Variants in RABGAP1 observed in about 807,000 individuals in gnomAD.
RABGAP1 encodes the protein RAB GTPase activating protein 1.
In RABGAP1, 23 loss-of-function variants were observed where a neutral mutation model predicts 137.6. That is an observed-to-expected ratio of 0.17 (90% CI 0.12 to 0.24). The LOEUF is 0.24. Ranked by LOEUF, RABGAP1 falls within the 10% of genes least tolerant of loss-of-function variation. The pLI, the probability that RABGAP1 is intolerant of heterozygous loss-of-function variation, is 1.00. For synonymous variants in RABGAP1, 451 were observed against 450.7 expected (o/e 1.00, Z -0.01); for missense variants, 906 against 1,275.8 (o/e 0.71, Z 4.42).
intron 11 of RABGAP1, among the ~76,000 whole-genome samples, chr9:123,011,300 G>A (rs1234527166): frequency 6.6e-6 from 1 of 152,174 alleles, no homozygotes; most frequent in African/African-American, 2.4e-5. Context: ...ATCATAAAGA[G>A]TAGTTTTTCA....
chr9:123,002,789 T>C (rs1213607930), intron 10 of RABGAP1, among the ~76,000 whole-genome samples: 5 of 152,144 alleles, frequency 3.3e-5, no homozygotes, highest in African/African-American at 9.7e-5. Flanking sequence ...AAAAAATGAC[T>C]TGACAGGGTA....
At chr9:123,074,732 G>T (rs1411464872) in intron 17 of RABGAP1, among the ~76,000 whole-genome samples, 1 of 152,146 alleles carries the variant, frequency 6.6e-6, no homozygotes, top group Non-Finnish European at 1.5e-5. Flanking sequence ...TTGCTCTCTT[G>T]TGAAAAAAAG....
chr9:122,936,749 TTTTG>T (rs1833393446), upstream of RABGAP1, among the ~76,000 whole-genome samples: 1 of 152,158 alleles, frequency 6.6e-6, no homozygotes, highest in African/African-American at 2.4e-5. Flanking sequence ...ATAGCACCTG[TTTTG>T]TTTGTTTGCT....
chr9:123,102,847 G>A (rs1392999900), intron 25 of RABGAP1, among the ~76,000 whole-genome samples: 1 of 152,246 alleles, frequency 6.6e-6, no homozygotes, highest in East Asian at 1.9e-4. Context: ...TAGGTGGACA[G>A]AAGAGGGAGA....
At chr9:123,012,653 C>T (rs2030904239) in intron 11 of RABGAP1, among the ~76,000 whole-genome samples, 1 of 152,202 alleles carries the variant, frequency 6.6e-6, no homozygotes, top group Non-Finnish European at 1.5e-5. Flanking sequence ...AATCATGGAA[C>T]ACTAGAACAT....
chr9:123,023,306 A>T (rs1362669603), intron 13 of RABGAP1, among the ~76,000 whole-genome samples: 1 of 151,964 alleles, frequency 6.6e-6, no homozygotes, highest in Admixed American at 6.6e-5. Context: ...TCAGCCTCCC[A>T]AGTAGCTGGG....
rs202089090 is a variant in RABGAP1 at position 123,090,385 on chromosome 9, C to T, written c.2628C>T (p.Asn876=). ...TTGCACTACGGAAGGACCTGGATAA[C>T]GTAAGTCCAACGGGTCTGAAGGGAA... The part of the protein sequence containing the change: ...SKIALRKDLD[N]AEEKADALNK... Residue 876 remains asparagine, a splice_region_variant and synonymous_variant, in exon 21 of 26, where the codon AAC becomes AAT. Coordinates refer to ENST00000373647, the MANE Select transcript of RABGAP1 (RefSeq NM_012197.4). The T allele has an allele frequency of 4.6e-5, 73 of 1,602,422 alleles. No homozygotes were observed. Among genetic ancestry groups the T allele is most frequent in the Middle Eastern group, 1.7e-4 (1 of 6,054 alleles).
the RABGAP1 span, among the ~76,000 whole-genome samples, chr9:122,931,780 G>T: frequency 2.5e-3 from 383 of 152,352 alleles, 2 homozygotes; most frequent in African/African-American, 8.7e-3. Flanking sequence ...GCAGGGACCC[G>T]CTGCTCGGGA....
rs140106360 is a variant in RABGAP1 at position 123,076,687 on chromosome 9, T to C, written c.2349T>C (p.Phe783=). 2.9e-5 allele frequency: 46 copies of C among 1,609,978 alleles called. No individual in the cohort carries two copies. Among genetic ancestry groups the C allele is most frequent in the Non-Finnish European group, 3.6e-5 (42 of 1,178,124 alleles). Reference sequence around the variant, plus strand: ...ACTTTGAAGGTGCCTTGAAGTTCTTTAGGGTTCAGCTTCCTAAGAGATACC... The same window carrying C: ...ACTTTGAAGGTGCCTTGAAGTTCTTCAGGGTTCAGCTTCCTAAGAGATACC... The part of the protein sequence containing the change: ...LTDFEGALKF[F]RVQLPKRYRS... The change falls in exon 19 of 26, where the codon TTT becomes TTC. Residue 783 remains phenylalanine (F), a synonymous_variant. Coordinates refer to ENST00000373647, the MANE Select transcript of RABGAP1 (RefSeq NM_012197.4).
upstream of RABGAP1, chr9:122,938,315 G>A (rs1402270390): frequency 6.6e-6 from 1 of 152,128 alleles, no homozygotes; most frequent in African/African-American, 2.4e-5. Flanking sequence ...GGGCACCCGT[G>A]TGTCTATAGA....
chr9:123,039,929 T>A (rs1184134347), intron 13 of RABGAP1, among the ~76,000 whole-genome samples: 1 of 152,216 alleles, frequency 6.6e-6, no homozygotes, highest in Non-Finnish European at 1.5e-5. Context: ...CTATTGGTCA[T>A]GTATCCAGAA....
chr9:122,942,769 C>T (rs1833673843), intron 1 of RABGAP1, among the ~76,000 whole-genome samples: 1 of 151,072 alleles, frequency 6.6e-6, no homozygotes, highest in Non-Finnish European at 1.5e-5. Flanking sequence ...AAATTTCAAT[C>T]CATGATTGAT....
At chr9:123,051,852 C>T (rs568209355) in intron 13 of RABGAP1, among the ~76,000 whole-genome samples, 121 of 151,248 alleles carry the variant, frequency 8.0e-4, no homozygotes, top group African/African-American at 2.5e-3. Context: ...AGTGCAGTGG[C>T]GCAGTCTTGG....
intron 4 of RABGAP1, among the ~76,000 whole-genome samples, chr9:122,986,969 T>A (rs773349933): frequency 3.3e-5 from 5 of 152,166 alleles, no homozygotes; most frequent in Non-Finnish European, 4.4e-5. Context: ...AAACCCTGTC[T>A]GTACAAAACA....
chr9:122,952,462 G>A (rs112483291), intron 1 of RABGAP1, among the ~76,000 whole-genome samples: 9 of 151,904 alleles, frequency 5.9e-5, no homozygotes, highest in Non-Finnish European at 1.3e-4. Flanking sequence ...TAGAGACGGG[G>A]TTTCACCGTG....
At chr9:123,089,153 A>G (rs983980863) in intron 19 of RABGAP1, among the ~76,000 whole-genome samples, 1 of 152,170 alleles carries the variant, frequency 6.6e-6, no homozygotes, top group Non-Finnish European at 1.5e-5. Flanking sequence ...TTTTAAGGGT[A>G]GAGATAACTG....
At chr9:122,973,951 A>G (rs1056406449) in intron 2 of RABGAP1, among the ~76,000 whole-genome samples, 2 of 152,002 alleles carry the variant, frequency 1.3e-5, no homozygotes, top group Non-Finnish European at 2.9e-5. Flanking sequence ...CGGAGGTTGC[A>G]GTGAGCTATC....
chr9:123,050,257 A>G (rs141559483), intron 13 of RABGAP1, among the ~76,000 whole-genome samples: 126 of 152,366 alleles, frequency 8.3e-4, no homozygotes, highest in African/African-American at 2.8e-3. Context: ...TATGTCATGT[A>G]TTTAAATGTA....
chr9:122,969,298 C>T (rs1237073977), intron 2 of RABGAP1, among the ~76,000 whole-genome samples: 1 of 152,212 alleles, frequency 6.6e-6, no homozygotes, highest in Admixed American at 6.5e-5. Context: ...TATGTAAGTA[C>T]ACTCTATGAT....
Sources: allele counts gnomAD v4.1 joint callset (sites outside exome capture counted in the v4.1 genomes callset), GRCh38; gene constraint gnomAD v4.1.1; transcripts MANE v1.5; gene names NCBI Gene and HGNC (gene_info 2026-07-23, HGNC 2026-07-21).